FMN2: variants seen among roughly 807,000 people sequenced by gnomAD.
FMN2 encodes the protein formin-2.
FMN2 carries 51 observed loss-of-function variants against 142.3 expected under a neutral mutation model. The observed-to-expected ratio is 0.36, with a 90% CI of 0.29 to 0.45. The LOEUF is 0.45. Ranked by LOEUF, FMN2 falls within the 20% of genes least tolerant of loss-of-function variation. The probability of loss-of-function intolerance (pLI) is 1.00; values close to 1 mark genes in which losing one functional copy is unlikely to be tolerated. For synonymous variants in FMN2, 882 were observed against 869.8 expected (o/e 1.01, Z -0.25); for missense variants, 1,936 against 2,122.8 (o/e 0.91, Z 1.73).
chr1:240,473,979 A>G lies in FMN2; in HGVS notation c.5143-149A>G. ...CAAAGATAACACAGATCCCACTTAT[A>G]CTTTTTTCCTTTATGGACTGGTAGA... On this transcript the variant is annotated intron_variant, in intron 17 of 17. Coordinates refer to ENST00000319653, the MANE Select transcript of FMN2 (RefSeq NM_020066.5). This position sits in a 1 kb window ranked among gnomAD's most constrained non-coding sequence, Gnocchi z 4.3. The G allele has an allele frequency of 1.6e-6, 1 of 609,344 alleles. No individual in the cohort carries two copies. Among genetic ancestry groups the G allele is most frequent in the Non-Finnish European group, 2.8e-6 (1 of 357,592 alleles). 37.7% of individuals were successfully genotyped at this position (609,344 alleles called of 1,614,324 possible). A position where few individuals can be genotyped will look rare whatever the true frequency, so the allele number is the denominator to read the frequency against.
intron 16 of FMN2, among the ~76,000 whole-genome samples, chr1:240,455,882 G>C (rs9660057): frequency 2.0e-5 from 3 of 151,824 alleles, no homozygotes; most frequent in Non-Finnish European, 2.9e-5. Flanking sequence ...GGCTGAGACA[G>C]GAGATTTGCT....
intron 14 of FMN2, among the ~76,000 whole-genome samples, chr1:240,357,139 A>T (rs112671705): frequency 1.3e-5 from 2 of 152,196 alleles, no homozygotes; most frequent in African/African-American, 2.4e-5. Context: ...CACATTTTTT[A>T]AAAATGTAAC....
At chr1:240,143,552 G>A in intron 2 of FMN2, 1 of 1,600,844 alleles carries the variant, frequency 6.2e-7, no homozygotes, top group Admixed American at 1.7e-5. Context: ...TGGAGCAGCT[G>A]CTGCACCTTC....
At chr1:240,397,566 A>G (rs1673821067) in intron 15 of FMN2, among the ~76,000 whole-genome samples, 1 of 152,060 alleles carries the variant, frequency 6.6e-6, no homozygotes, top group Non-Finnish European at 1.5e-5. Context: ...ACTTGAGGTC[A>G]GGAGTTTGAG....
chr1:240,183,350 C>T lies in FMN2; in HGVS notation c.1931-4857C>T, dbSNP rs762265418. ...TCACTTAATCAAGGAATAAAATGTA[C>T]TGGAATAGACTGACTGTGTCTCCCA... On this transcript the variant is annotated intron_variant, in intron 3 of 17. Transcript: ENST00000319653. Among the ~76,000 whole-genome samples the T allele has an allele frequency of 1.1e-3, 165 of 150,696 alleles. 1 individual carries two copies. Among genetic ancestry groups the T allele is most frequent in the Non-Finnish European group, 1.1e-3 (74 of 67,820 alleles).
intron 2 of FMN2, among the ~76,000 whole-genome samples, chr1:240,151,145 T>A (rs1211882358): frequency 6.6e-6 from 1 of 152,214 alleles, no homozygotes; most frequent in Non-Finnish European, 1.5e-5. Flanking sequence ...CTTTATTCTA[T>A]TGAAGTATAT....
intron 8 of FMN2, among the ~76,000 whole-genome samples, chr1:240,326,441 G>T (rs1671174163): frequency 6.6e-6 from 1 of 152,162 alleles, no homozygotes; most frequent in Non-Finnish European, 1.5e-5. Context: ...AAGTCACTTT[G>T]TTCTGAAGAC....
rs200300266 is a variant in FMN2, at chr1:240,105,183, AC to A, written c.1615+11460del. On this transcript the variant is annotated intron_variant, in intron 1 of 17. Coordinates refer to ENST00000319653, the MANE Select transcript of FMN2 (RefSeq NM_020066.5). ...GAGTGCCGTGGCGTGATCTCGGCTGACTACAGCCTCAACCTCCTGGGTTCAA... is the reference window on the plus strand; with the variant it reads ...GAGTGCCGTGGCGTGATCTCGGCTGATACAGCCTCAACCTCCTGGGTTCAA... 6.0e-3 allele frequency among the ~76,000 whole-genome samples: 790 copies of A among 132,266 alleles called. 2 individuals carry two copies. Among genetic ancestry groups the A allele is most frequent in the South Asian group, 0.032 (144 of 4,438 alleles). The allele number at this position is 132,266 out of a possible 152,430, so 86.8% of individuals were successfully genotyped here.
At chr1:240,400,630 C>T (rs1673947256) in intron 15 of FMN2, 1 of 152,194 alleles carries the variant, frequency 6.6e-6, no homozygotes. Context: ...AGTCCCAGGT[C>T]TCCTTCCCAG....
chr1:240,420,659 T>A (rs1674731237), intron 15 of FMN2, among the ~76,000 whole-genome samples: 1 of 152,190 alleles, frequency 6.6e-6, no homozygotes, highest in Non-Finnish European at 1.5e-5. Flanking sequence ...CTGGTGTGGA[T>A]GCCGTCACAG....
chr1:240,328,162 A>AAAAAAAAAAAAAAAAG (rs1671245159), intron 8 of FMN2, among the ~76,000 whole-genome samples: 1 of 149,400 alleles, frequency 6.7e-6, no homozygotes, highest in Non-Finnish European at 1.5e-5. Flanking sequence ...AAAAAAAAAA[A>AAAAAAAAAAAAAAAAG]AAAAAAAAAA....
chr1:240,322,917 G>A (rs113397830), intron 8 of FMN2, among the ~76,000 whole-genome samples: 1 of 152,186 alleles, frequency 6.6e-6, no homozygotes, highest in Non-Finnish European at 1.5e-5. Context: ...CTCTAAACCT[G>A]TTCTTTATCT....
At chr1:240,125,363 A>G (rs1044297245) in intron 2 of FMN2, among the ~76,000 whole-genome samples, 1 of 152,200 alleles carries the variant, frequency 6.6e-6, no homozygotes, top group Non-Finnish European at 1.5e-5. Context: ...CATTGCAGCT[A>G]ATCGCTGCTA....
At chr1:240,420,530 C>T (rs1674727020) in intron 15 of FMN2, among the ~76,000 whole-genome samples, 1 of 152,206 alleles carries the variant, frequency 6.6e-6, no homozygotes, top group African/African-American at 2.4e-5. Flanking sequence ...TATTGTCCTG[C>T]AGCCAAGAGA....
intron 15 of FMN2, among the ~76,000 whole-genome samples, chr1:240,437,506 G>A (rs1675432617): frequency 6.6e-6 from 1 of 151,858 alleles, no homozygotes; most frequent in Non-Finnish European, 1.5e-5. Context: ...GTTTCACCGT[G>A]TTAGCCAGGA....
At chr1:240,261,382 C>T (rs904548091) in intron 7 of FMN2, among the ~76,000 whole-genome samples, 2 of 150,290 alleles carry the variant, frequency 1.3e-5, no homozygotes, top group African/African-American at 4.9e-5. Flanking sequence ...CATGCTGCTT[C>T]TCCAAGATTG....
intron 7 of FMN2, among the ~76,000 whole-genome samples, chr1:240,263,155 A>G (rs932310648): frequency 6.6e-6 from 1 of 152,150 alleles, no homozygotes; most frequent in African/African-American, 2.4e-5. Context: ...ACACAGATAT[A>G]TATTACACTG....
At chr1:240,175,769 T>C (rs906339436) in intron 2 of FMN2, among the ~76,000 whole-genome samples, 3 of 152,206 alleles carry the variant, frequency 2.0e-5, no homozygotes, top group African/African-American at 4.8e-5. Flanking sequence ...GGTGATTTCA[T>C]TGTGGTTTTG....
intron 16 of FMN2, among the ~76,000 whole-genome samples, chr1:240,447,069 C>A (rs373503776): frequency 6.6e-6 from 1 of 152,172 alleles, no homozygotes; most frequent in Non-Finnish European, 1.5e-5. Context: ...TCGATCCCTA[C>A]GGCAGGGTTG....
Sources: allele counts gnomAD v4.1 joint callset (sites outside exome capture counted in the v4.1 genomes callset), GRCh38; gene constraint gnomAD v4.1.1; non-coding constraint Gnocchi (gnomAD v3.1); transcripts MANE v1.5; gene names NCBI Gene and HGNC (gene_info 2026-07-23, HGNC 2026-07-21).